The following UNC13C variants were observed in gnomAD, a reference collection of about 807,000 sequenced individuals.
UNC13C encodes the protein protein unc-13 homolog C.
In UNC13C, 174 loss-of-function variants were observed where a neutral mutation model predicts 245.4. The observed-to-expected ratio is 0.71, with a 90% CI of 0.63 to 0.80. UNC13C has a LOEUF of 0.80. UNC13C is among the 30% of genes least tolerant of loss of function. The probability of loss-of-function intolerance (pLI) is 0.00; values close to 1 mark genes in which losing one functional copy is unlikely to be tolerated. For missense variants in UNC13C, 2,829 were observed against 2,602.9 expected (o/e 1.09, Z -1.89); for synonymous variants, 992 against 895.1 (o/e 1.11, Z -1.93).
chr15:54,421,297 TA>T (rs1317347727), intron 19 of UNC13C, among the ~76,000 whole-genome samples: 8 of 151,950 alleles, frequency 5.3e-5, no homozygotes, highest in Non-Finnish European at 1.2e-4. Context: ...GAGAATCTAA[TA>T]AAATATGTAG....
At chr15:54,631,790 T>C (rs1423687414), downstream of UNC13C, 1 of 152,240 alleles carries the variant, frequency 6.6e-6, no homozygotes, top group Non-Finnish European at 1.5e-5. Flanking sequence ...ACAAAGCTTT[T>C]ATAAACATTC....
At chr15:54,371,739 T>C (rs1386608919) in intron 17 of UNC13C, among the ~76,000 whole-genome samples, 2 of 148,084 alleles carry the variant, frequency 1.4e-5, no homozygotes, top group Non-Finnish European at 1.5e-5. Flanking sequence ...CACACACACA[T>C]ACCAGTGGAA....
At chr15:54,325,517 C>T (rs1041067557) in intron 14 of UNC13C, among the ~76,000 whole-genome samples, 1 of 152,010 alleles carries the variant, frequency 6.6e-6, no homozygotes, top group Non-Finnish European at 1.5e-5. Context: ...CCCGCCAACT[C>T]ATCATTTACA....
chr15:54,333,716 C>A, intron 15 of UNC13C, 51 bp from the exon 16 acceptor site: 1 of 1,233,878 alleles, frequency 8.1e-7, no homozygotes, highest in African/African-American at 1.5e-5. Flanking sequence ...TATTTTCCCA[C>A]TAGAAGTTTA....
chr15:54,001,352 G>A (rs1894878295), intron 1 of UNC13C, among the ~76,000 whole-genome samples: 1 of 151,884 alleles, frequency 6.6e-6, no homozygotes, highest in South Asian at 2.1e-4. Context: ...ACAGATGGAG[G>A]AGTGCATTAG....
intron 2 of UNC13C, among the ~76,000 whole-genome samples, chr15:54,032,471 G>A (rs1431519295): frequency 2.6e-5 from 4 of 152,122 alleles, no homozygotes; most frequent in African/African-American, 7.2e-5. Flanking sequence ...GTAACTAGTA[G>A]GGAGTTGTTT....
rs199592849 is a variant in UNC13C at position 54,383,921 on chromosome 15, C to CA, written c.4714-9120dup. 9.4e-3 allele frequency among the ~76,000 whole-genome samples: 1,430 copies of CA among 151,582 alleles called. 30 individuals carry two copies. The highest frequency in any genetic ancestry group is 0.033 in the African/African-American group (1,356 of 41,370). On this transcript the variant is annotated intron_variant, in intron 17 of 32. Coordinates refer to ENST00000260323, the MANE Select transcript of UNC13C (RefSeq NM_001080534.3). Reference sequence around the variant, plus strand: ...AAGGCAGTCTCATTTTCAATAGCTGCAAAAAAATACCTAGGAATAAATTTA... The same window carrying CA: ...AAGGCAGTCTCATTTTCAATAGCTGCAAAAAAAATACCTAGGAATAAATTTA...
chr15:54,361,503 C>T (rs2039230265), intron 17 of UNC13C, among the ~76,000 whole-genome samples: 1 of 152,248 alleles, frequency 6.6e-6, no homozygotes, highest in Non-Finnish European at 1.5e-5. Flanking sequence ...TCAATCTGTG[C>T]CCCTTGCTGA....
intron 14 of UNC13C, among the ~76,000 whole-genome samples, chr15:54,329,216 G>GT (rs2038377542): frequency 1.3e-5 from 2 of 149,866 alleles, no homozygotes; most frequent in African/African-American, 4.9e-5. Context: ...CATACAATAT[G>GT]TAATGATAAA....
At chr15:54,254,931 C>T (rs1026220420) in intron 8 of UNC13C, among the ~76,000 whole-genome samples, 1 of 152,098 alleles carries the variant, frequency 6.6e-6, no homozygotes, top group Non-Finnish European at 1.5e-5. Context: ...CCTCAGGACC[C>T]GCCATCTACA....
chr15:54,302,855 A>G (rs2037623717), intron 13 of UNC13C, among the ~76,000 whole-genome samples: 1 of 152,158 alleles, frequency 6.6e-6, no homozygotes, highest in Non-Finnish European at 1.5e-5. Flanking sequence ...AGTAATTGAT[A>G]GATTCAATGC....
intron 1 of UNC13C, among the ~76,000 whole-genome samples, chr15:54,005,154 C>A (rs1385699709): frequency 6.6e-6 from 1 of 152,076 alleles, no homozygotes; most frequent in East Asian, 1.9e-4. Flanking sequence ...GCCTGATAAG[C>A]CTTAAAACCT....
At chr15:54,428,709 G>C (rs1039193753) in intron 19 of UNC13C, among the ~76,000 whole-genome samples, 4 of 151,468 alleles carry the variant, frequency 2.6e-5, no homozygotes, top group Non-Finnish European at 5.9e-5. Context: ...CCTCAGTTTA[G>C]GTTCCTGGTA....
chr15:54,091,499 C>G (rs1567007097), intron 2 of UNC13C, among the ~76,000 whole-genome samples: 1 of 152,108 alleles, frequency 6.6e-6, no homozygotes, highest in Admixed American at 6.5e-5. Context: ...CCTTTCGTAT[C>G]TACTATTGTA....
At chr15:54,435,299 T>A (rs538568954) in intron 19 of UNC13C, among the ~76,000 whole-genome samples, 1 of 152,286 alleles carries the variant, frequency 6.6e-6, no homozygotes, top group Non-Finnish European at 1.5e-5. Context: ...ATTGCAGCAC[T>A]GTTCACAATA....
intron 7 of UNC13C, among the ~76,000 whole-genome samples, chr15:54,243,392 A>G (rs1188733750): frequency 6.6e-6 from 1 of 152,086 alleles, no homozygotes; most frequent in Non-Finnish European, 1.5e-5. Context: ...TCATTGATGG[A>G]CATTTGGGTT....
intron 2 of UNC13C, among the ~76,000 whole-genome samples, chr15:54,059,672 C>CA (rs946695384): frequency 4.6e-5 from 7 of 151,898 alleles, no homozygotes; most frequent in South Asian, 2.1e-4. Flanking sequence ...AATCCTAAGC[C>CA]AAAAAAACAA....
chr15:54,198,453 CCACTT>C (rs1476719986), intron 4 of UNC13C, among the ~76,000 whole-genome samples: 1 of 152,142 alleles, frequency 6.6e-6, no homozygotes, highest in African/African-American at 2.4e-5. Flanking sequence ...CTCACAGTGT[CCACTT>C]CACTCCCCTG....
At chr15:53,916,634 C>T in the UNC13C span, among the ~76,000 whole-genome samples, 142 of 152,304 alleles carry the variant, frequency 9.3e-4, no homozygotes, top group South Asian at 5.0e-3. Context: ...GCTCCTATTT[C>T]AGAACTACCA....
Sources: allele counts gnomAD v4.1 joint callset (sites outside exome capture counted in the v4.1 genomes callset), GRCh38; gene constraint gnomAD v4.1.1; transcripts MANE v1.5; gene names NCBI Gene and HGNC (gene_info 2026-07-23, HGNC 2026-07-21).